The following KHDC1 variants were observed in gnomAD, a reference collection of about 807,000 sequenced individuals.
KHDC1 encodes the protein KH homology domain-containing protein 1.
In KHDC1, 21 loss-of-function variants were observed where a neutral mutation model predicts 24.7. That is an observed-to-expected ratio of 0.85 (90% CI 0.60 to 1.23). The LOEUF is 1.23. Among genes scored for constraint, KHDC1 ranks in the 50% most tolerant of loss-of-function variants. The pLI is 0.00. For missense variants in KHDC1, 274 were observed against 298.5 expected (o/e 0.92, Z 0.61); for synonymous variants, 98 against 111.7 (o/e 0.88, Z 0.77).
chr6:73,287,999 TC>T (rs1317834438), intron 2 of KHDC1, among the ~76,000 whole-genome samples: 1 of 152,144 alleles, frequency 6.6e-6, no homozygotes, highest in African/African-American at 2.4e-5. Context: ...CCCACCATCT[TC>T]CTGATCAAGA....
intron 2 of KHDC1, among the ~76,000 whole-genome samples, chr6:73,258,817 A>G (rs1362631669): frequency 6.6e-6 from 1 of 152,208 alleles, no homozygotes; most frequent in African/African-American, 2.4e-5. Flanking sequence ...ACATAAGTTA[A>G]TGTGCCTGAG....
intron 2 of KHDC1, among the ~76,000 whole-genome samples, chr6:73,254,769 G>T (rs569496331): frequency 6.6e-6 from 1 of 152,060 alleles, no homozygotes; most frequent in Non-Finnish European, 1.5e-5. Flanking sequence ...TTGGGAGGCC[G>T]AGGTGGGCGG....
chr6:73,273,552 C>T (rs1767219860), intron 2 of KHDC1, among the ~76,000 whole-genome samples: 1 of 151,734 alleles, frequency 6.6e-6, no homozygotes, highest in East Asian at 2.0e-4. Flanking sequence ...CGCAGTGGCT[C>T]ACGCCTGTAG....
chr6:73,266,457 C>G (rs1180825567), intron 2 of KHDC1, among the ~76,000 whole-genome samples: 1 of 152,192 alleles, frequency 6.6e-6, no homozygotes, highest in Non-Finnish European at 1.5e-5. Context: ...AGACAATAAG[C>G]TGAGAAATCT....
intron 2 of KHDC1, among the ~76,000 whole-genome samples, chr6:73,285,649 CTTTTTTT>C (rs539979246): frequency 7.7e-6 from 1 of 130,074 alleles, no homozygotes; most frequent in Non-Finnish European, 1.6e-5. Context: ...TCTTTTTTTT[CTTTTTTT>C]TTTTTTTTTA....
intron 2 of KHDC1, among the ~76,000 whole-genome samples, chr6:73,265,185 A>C (rs1302489377): frequency 6.6e-6 from 1 of 152,178 alleles, no homozygotes; most frequent in Non-Finnish European, 1.5e-5. Context: ...GGCCTTTGAG[A>C]TAAGGAAATA....
chr6:73,298,000 C>T (rs1312563029), intron 1 of KHDC1, among the ~76,000 whole-genome samples: 7 of 152,032 alleles, frequency 4.6e-5, no homozygotes, highest in East Asian at 1.9e-4. Flanking sequence ...AGACCAGCCT[C>T]GCCAACATGG....
At chr6:73,306,323 AC>A (rs1226514398) in intron 1 of KHDC1, among the ~76,000 whole-genome samples, 1 of 151,102 alleles carries the variant, frequency 6.6e-6, no homozygotes, top group Non-Finnish European at 1.5e-5. Flanking sequence ...GCCCTCCCTC[AC>A]CCGACACCCC....
At chr6:73,307,259 C>T (rs2150758102) in intron 1 of KHDC1, among the ~76,000 whole-genome samples, 1 of 152,040 alleles carries the variant, frequency 6.6e-6, no homozygotes, top group Non-Finnish European at 1.5e-5. Flanking sequence ...GAAACCCCGT[C>T]TCTATTAAAA....
At chr6:73,295,954 CAACATGGTGA>C (rs199963132) in intron 1 of KHDC1, among the ~76,000 whole-genome samples, 23,450 of 150,850 alleles carry the variant, frequency 0.16, 2,173 homozygotes, top group African/African-American at 0.27. Flanking sequence ...CCAGCCTGCC[CAACATGGTGA>C]AACCCCATCT....
chr6:73,307,632 G>A (rs1767994407), intron 1 of KHDC1, among the ~76,000 whole-genome samples: 1 of 152,058 alleles, frequency 6.6e-6, no homozygotes, highest in Admixed American at 6.6e-5. Flanking sequence ...CGCAAGCAAC[G>A]CCGTCCCTGC....
intron 2 of KHDC1, among the ~76,000 whole-genome samples, chr6:73,262,045 C>T (rs1263420105): frequency 6.6e-6 from 1 of 151,968 alleles, no homozygotes; most frequent in African/African-American, 2.4e-5. Context: ...TGCCACAGCC[C>T]TCCAGCCTAG....
chr6:73,276,176 CTGAG>C (rs909767744), intron 2 of KHDC1: 2 of 149,778 alleles, frequency 1.3e-5, no homozygotes, highest in African/African-American at 4.9e-5. Flanking sequence ...GGGCGGCAGA[CTGAG>C]TGAGATTCTG....
At chr6:73,310,156 T>C (rs511219) in exon 1 of KHDC1, 121,547 of 184,526 alleles carry the variant, frequency 0.66, 44,148 homozygotes, top group Non-Finnish European at 0.78. Context: ...CGAGGCACTG[T>C]AGCAGGAGGG....
At chr6:73,250,518 C>G (rs1375788410) in intron 2 of KHDC1, among the ~76,000 whole-genome samples, 1 of 152,238 alleles carries the variant, frequency 6.6e-6, no homozygotes, top group East Asian at 1.9e-4. Context: ...GAAAGGGAGG[C>G]AAACCAAGAA....
intron 2 of KHDC1, among the ~76,000 whole-genome samples, chr6:73,258,266 ATAAG>A (rs530814774): frequency 4.8e-4 from 73 of 152,222 alleles, no homozygotes; most frequent in African/African-American, 1.0e-3. Context: ...AAATAAATAA[ATAAG>A]TAAGTAAGTA....
rs189110086 is a variant in KHDC1, at chr6:73,270,981, C to T, written c.206+21017G>A. Among the ~76,000 whole-genome samples the T allele has an allele frequency of 1.5e-3, 231 of 151,896 alleles. 1 individual carries two copies. The highest frequency in any genetic ancestry group is 3.3e-3 in the Admixed American group (51 of 15,258). ...CTGGGATTACAAGCGTGAGCCACCG[C>T]GCCCGGCCTGTTGCTCTTTTTCTTT... On this transcript the variant is annotated intron_variant, in intron 2 of 4. Coordinates refer to ENST00000370384, the Ensembl canonical transcript of KHDC1.
intron 2 of KHDC1, among the ~76,000 whole-genome samples, chr6:73,250,238 A>G (rs1766753471): frequency 6.6e-6 from 1 of 152,192 alleles, no homozygotes; most frequent in Non-Finnish European, 1.5e-5. Flanking sequence ...AACTCCTAAC[A>G]TCAATTTAAT....
intron 2 of KHDC1, among the ~76,000 whole-genome samples, chr6:73,248,622 A>C (rs925675444): frequency 5.3e-5 from 8 of 152,156 alleles, no homozygotes; most frequent in African/African-American, 1.9e-4. Flanking sequence ...GGGAGTTAAC[A>C]AGATATCCCA....
Sources: allele counts gnomAD v4.1 joint callset (sites outside exome capture counted in the v4.1 genomes callset), GRCh38; gene constraint gnomAD v4.1.1; transcripts MANE v1.5; gene names NCBI Gene and HGNC (gene_info 2026-07-23, HGNC 2026-07-21).